The following GPHN variants were observed in gnomAD, a reference collection of about 807,000 sequenced individuals.
GPHN encodes the protein gephyrin.
In GPHN, 17 loss-of-function variants were observed where a neutral mutation model predicts 95.5. That is an observed-to-expected ratio of 0.18 (90% CI 0.12 to 0.27). The LOEUF (loss-of-function observed/expected upper bound fraction) is 0.27. Among genes scored for constraint, GPHN ranks in the 10% least tolerant of loss-of-function variants. The probability of loss-of-function intolerance (pLI) is 1.00; values close to 1 mark genes in which losing one functional copy is unlikely to be tolerated. For synonymous variants in GPHN, 320 were observed against 322.5 expected, an observed-to-expected ratio of 0.99 and a Z score of 0.08; for missense variants, 660 against 978.1, an observed-to-expected ratio of 0.67 and a Z score of 4.34.
At chr14:67,213,554 C>A in the GPHN span, among the ~76,000 whole-genome samples, 1 of 152,044 alleles carries the variant, frequency 6.6e-6, no homozygotes, top group South Asian at 2.1e-4. Flanking sequence ...TTTCTTAATC[C>A]AGTTTATCAT....
chr14:66,539,561 T>C (rs2059277927), intron 1 of GPHN, among the ~76,000 whole-genome samples: 1 of 151,720 alleles, frequency 6.6e-6, no homozygotes, highest in African/African-American at 2.4e-5. Flanking sequence ...ATTACAGCCA[T>C]GTGCCACTAT....
chr14:66,571,398 TATC>T (rs2060685317), intron 1 of GPHN, among the ~76,000 whole-genome samples: 3 of 152,078 alleles, frequency 2.0e-5, no homozygotes, highest in African/African-American at 7.2e-5. Context: ...GCCAAACCAT[TATC>T]ATATGGTTTG....
At chr14:67,733,751 G>A in the GPHN span, 7 of 1,611,048 alleles carry the variant, frequency 4.3e-6, no homozygotes, top group South Asian at 1.1e-5. Flanking sequence ...TCCAGTGACT[G>A]CAAGAGGACC....
chr14:66,947,410 G>A (rs1332187050), intron 8 of GPHN, among the ~76,000 whole-genome samples: 1 of 152,138 alleles, frequency 6.6e-6, no homozygotes, highest in African/African-American at 2.4e-5. Flanking sequence ...TTATTCATGT[G>A]TTTACTTAAT....
chr14:67,044,828 C>T (rs753927278), intron 10 of GPHN, among the ~76,000 whole-genome samples: 1 of 151,684 alleles, frequency 6.6e-6, no homozygotes, highest in Non-Finnish European at 1.5e-5. Context: ...GTCTCTGTCT[C>T]TCTGTTGGTG....
At chr14:67,323,232 C>CATGTGTGTAT in the GPHN span, among the ~76,000 whole-genome samples, 5,977 of 143,534 alleles carry the variant, frequency 0.042, 223 homozygotes, top group African/African-American at 0.096. Context: ...CATATATACA[C>CATGTGTGTAT]GTGTGTGTGT....
At position 66,995,867 on chromosome 14, in the gene GPHN, G is replaced by A. The variant is rs374651252; in HGVS notation, c.964-27766G>A. On this transcript the variant is annotated intron_variant, in intron 9 of 22. Transcript: ENST00000478722. ...AGCCAGTGAAGATCAGTGCAGTACCGTAAGAAAAATTGTCCAGCGTTCTGC... is the reference window on the plus strand; with the variant it reads ...AGCCAGTGAAGATCAGTGCAGTACCATAAGAAAAATTGTCCAGCGTTCTGC... 8.5e-5 allele frequency among the ~76,000 whole-genome samples: 13 copies of A among 152,278 alleles called. No homozygotes were observed. The South Asian group carries it at 1.7e-3, about 19-fold the overall frequency.
the GPHN span, among the ~76,000 whole-genome samples, chr14:67,328,787 T>C: frequency 2.0e-5 from 3 of 152,220 alleles, no homozygotes; most frequent in African/African-American, 7.2e-5. Context: ...CAGATGGTTG[T>C]AGATGTGTGG....
intron 1 of GPHN, among the ~76,000 whole-genome samples, chr14:66,672,424 T>C (rs2066349486): frequency 6.6e-6 from 1 of 152,222 alleles, no homozygotes; most frequent in Non-Finnish European, 1.5e-5. Flanking sequence ...GTATATCAAA[T>C]TGATTATTAG....
the GPHN span, chr14:67,542,121 A>G: frequency 2.2e-6 from 2 of 901,918 alleles, no homozygotes; most frequent in Non-Finnish European, 3.2e-6. Context: ...ATGCAAAATG[A>G]AACCCAAGGT....
At chr14:66,799,014 T>C (rs1253747130) in intron 3 of GPHN, among the ~76,000 whole-genome samples, 2 of 151,938 alleles carry the variant, frequency 1.3e-5, no homozygotes, top group African/African-American at 4.8e-5. Flanking sequence ...ATGTATTGTT[T>C]CTGTTATCAT....
intron 11 of GPHN, among the ~76,000 whole-genome samples, chr14:67,082,703 TA>T (rs1461895219): frequency 6.6e-6 from 1 of 152,104 alleles, no homozygotes; most frequent in East Asian, 1.9e-4. Context: ...ACTTAATTTG[TA>T]GATTGCTTTG....
intron 18 of GPHN, among the ~76,000 whole-genome samples, chr14:67,155,512 T>C (rs761084485): frequency 1.3e-5 from 2 of 152,184 alleles, no homozygotes; most frequent in Non-Finnish European, 2.9e-5. Flanking sequence ...ATAACCATTA[T>C]ATGTTTAAGA....
At chr14:67,630,441 CAAAG>C in the GPHN span, among the ~76,000 whole-genome samples, 1 of 152,124 alleles carries the variant, frequency 6.6e-6, no homozygotes, top group African/African-American at 2.4e-5. Context: ...GAAGAATGAA[CAAAG>C]AAAGGGGCAA....
At chr14:67,097,984 C>G (rs1216829742) in intron 12 of GPHN, among the ~76,000 whole-genome samples, 1 of 152,060 alleles carries the variant, frequency 6.6e-6, no homozygotes, top group Non-Finnish European at 1.5e-5. Context: ...ATATTTTTAT[C>G]CTTTTCATTA....
At chr14:67,533,084 C>G in the GPHN span, among the ~76,000 whole-genome samples, 1 of 152,254 alleles carries the variant, frequency 6.6e-6, no homozygotes, top group South Asian at 2.1e-4. Flanking sequence ...TGTGCCTCTC[C>G]GCGAGCTGCC....
rs112443150 is a variant in GPHN, at chr14:66,998,888, A to AAT, written c.964-24729_964-24728dup. On this transcript the variant is annotated intron_variant, in intron 9 of 22. Coordinates refer to ENST00000478722, the MANE Select transcript of GPHN (RefSeq NM_020806.5). Reference sequence around the variant, plus strand: ...TTATGGTCCCTTTGTAAAAAAAAAAAATATATATATATATATACACATATA... The same window carrying AAT: ...TTATGGTCCCTTTGTAAAAAAAAAAAATATATATATATATATATACACATATA... 1.7e-3 allele frequency among the ~76,000 whole-genome samples: 238 copies of AAT among 142,912 alleles called. 1 individual carries two copies. The highest frequency in any genetic ancestry group is 2.4e-3 in the Non-Finnish European group (159 of 66,240). The allele number at this position is 142,912 out of a possible 152,430, so 93.8% of individuals were successfully genotyped here.
chr14:67,468,921 A>T, the GPHN span, among the ~76,000 whole-genome samples: 44,691 of 143,062 alleles, frequency 0.31, 7,497 homozygotes, highest in African/African-American at 0.49. Flanking sequence ...ATTTTTTTTA[A>T]AAAAAAAAGG....
the GPHN span, among the ~76,000 whole-genome samples, chr14:67,695,250 G>A: frequency 6.6e-6 from 1 of 152,214 alleles, no homozygotes; most frequent in South Asian, 2.1e-4. Context: ...GTACCTCGAA[G>A]GCTGGTTTAA....
Sources: allele counts gnomAD v4.1 joint callset (sites outside exome capture counted in the v4.1 genomes callset), GRCh38; gene constraint gnomAD v4.1.1; transcripts MANE v1.5; gene names NCBI Gene and HGNC (gene_info 2026-07-23, HGNC 2026-07-21).